Variants in GTSF1 observed in about 807,000 individuals in gnomAD.
GTSF1 encodes the protein gametocyte-specific factor 1.
GTSF1 carries 11 observed loss-of-function variants against 28.9 expected under a neutral mutation model. That is an observed-to-expected ratio of 0.38 (90% confidence interval 0.24 to 0.63). The LOEUF is 0.63. Ranked by LOEUF, GTSF1 falls within the 30% of genes least tolerant of loss-of-function variation. The pLI, the probability that GTSF1 is intolerant of heterozygous loss-of-function variation, is 0.56. For missense variants in GTSF1, 146 were observed against 201.0 expected (o/e 0.73, Z 1.66); for synonymous variants, 69 against 65.6 (o/e 1.05, Z -0.25).
Position 54,455,987 on chromosome 12 carries a change from T to A in GTSF1, c.*187A>T, listed in dbSNP as rs1181210225. ...TGTATCAAAGGTTTATTTGGAAGCT[T>A]CTGAGTATGAGGGTTCTTGCATTAA... is the stretch of plus-strand genomic sequence containing the variant. On this transcript the variant is annotated 3_prime_UTR_variant, in exon 9 of 9. Coordinates refer to ENST00000305879, the MANE Select transcript of GTSF1 (RefSeq NM_144594.3). 1.3e-5 allele frequency: 2 copies of A among 152,574 alleles called. No individual in the cohort carries two copies. Among genetic ancestry groups the A allele is most frequent in the Admixed American group, 1.3e-4 (2 of 15,268 alleles). The allele number at this position is 152,574 out of a possible 1,614,324, so 9.5% of individuals were successfully genotyped here. A position where few individuals can be genotyped will look rare whatever the true frequency, so the allele number is the denominator to read the frequency against.
In GTSF1 at chr12:54,470,675, T is replaced by C. The variant is rs758720592; in HGVS notation, c.16+558A>G. On this transcript the variant is annotated intron_variant, in intron 2 of 8. Coordinates refer to ENST00000305879, the MANE Select transcript of GTSF1 (RefSeq NM_144594.3). ...CATGTAGGGTACTAGGTATAAACAA[T>C]ATAGAAGACTCTGGTTCTGACTCTG... 3.3e-5 allele frequency among the ~76,000 whole-genome samples: 5 copies of C among 152,184 alleles called. No homozygotes were observed. The South Asian group carries it at 1.0e-3, about 31-fold the overall frequency.
Position 54,460,489 on chromosome 12 carries a change from T to C in GTSF1, c.393-18A>G, listed in dbSNP as rs907849222. The C allele has an allele frequency of 2.5e-6, 4 of 1,585,646 alleles. No individual in the cohort carries two copies. Among genetic ancestry groups the C allele is most frequent in the Non-Finnish European group, 2.6e-6 (3 of 1,154,868 alleles). On this transcript the variant is annotated intron_variant, in intron 6 of 8. Coordinates refer to ENST00000305879, the MANE Select transcript of GTSF1 (RefSeq NM_144594.3). Reference sequence around the variant, plus strand: ...TCGCAGGGCTGCAAAAAGATGAATTTGGCTATGTCGGCAGATCAGTATCAT... The same window carrying C: ...TCGCAGGGCTGCAAAAAGATGAATTCGGCTATGTCGGCAGATCAGTATCAT...
At chr12:54,464,855 G>C (rs550291101) in intron 3 of GTSF1, 1 of 378,168 alleles carries the variant, frequency 2.6e-6, no homozygotes, top group Non-Finnish European at 4.9e-6. Flanking sequence ...AGGGTTCTTT[G>C]TCACTAGTTA....
At chr12:54,472,402 C>T (rs998620631) in intron 1 of GTSF1, 1 of 152,164 alleles carries the variant, frequency 6.6e-6, no homozygotes, top group Non-Finnish European at 1.5e-5. Context: ...TAAGGGAAAA[C>T]CTCTCAATGT....
chr12:54,458,364 T>G (rs1441561004), intron 8 of GTSF1, among the ~76,000 whole-genome samples: 1 of 152,202 alleles, frequency 6.6e-6, no homozygotes, highest in African/African-American at 2.4e-5. Context: ...CCCAAAGCTT[T>G]TATTTTTTAA....
Position 54,471,283 on chromosome 12 carries a change from A to T in GTSF1, c.-29-6T>A, listed in dbSNP as rs770753073. ...GAAGAAGCTGAATCCAAGTGCTGGAAAAAACAAAAGTGTGATTCAGGAAAT... is the reference window on the plus strand; with the variant it reads ...GAAGAAGCTGAATCCAAGTGCTGGATAAAACAAAAGTGTGATTCAGGAAAT... On this transcript the variant is annotated splice_polypyrimidine_tract_variant and splice_region_variant and intron_variant, in intron 1 of 8. Coordinates refer to ENST00000305879, the MANE Select transcript of GTSF1 (RefSeq NM_144594.3). 4 of 1,586,106 alleles carry T rather than the reference A, an allele frequency of 2.5e-6. No homozygotes were observed. In the South Asian group the frequency reaches 4.7e-5, roughly 19 times the overall value.
At chr12:54,458,372 T>C (rs919516435) in intron 8 of GTSF1, among the ~76,000 whole-genome samples, 4 of 152,220 alleles carry the variant, frequency 2.6e-5, no homozygotes, top group African/African-American at 7.2e-5. Flanking sequence ...TTTTATTTTT[T>C]AAATTTTATT....
At chr12:54,460,022 G>A (rs1215363145) in intron 7 of GTSF1, among the ~76,000 whole-genome samples, 2 of 122,108 alleles carry the variant, frequency 1.6e-5, no homozygotes, top group African/African-American at 7.0e-5. Flanking sequence ...CACCGCGCCC[G>A]GCCTGATATT....
chr12:54,457,199 C>T lies in GTSF1; in HGVS notation c.*21-1046G>A, dbSNP rs1956346200. Among the ~76,000 whole-genome samples, 3 of 152,188 alleles carry T rather than the reference C, an allele frequency of 2.0e-5. No homozygotes were observed. The South Asian group carries it at 6.2e-4, about 32-fold the overall frequency. On this transcript the variant is annotated intron_variant, in intron 8 of 8. Coordinates refer to ENST00000305879, the MANE Select transcript of GTSF1 (RefSeq NM_144594.3). ...TAATCTAATTATTTTTCTGATCCCTCAGGAGTTACACAGAAAAATAAATTT... is the reference window on the plus strand; with the variant it reads ...TAATCTAATTATTTTTCTGATCCCTTAGGAGTTACACAGAAAAATAAATTT...
rs60465267 is a variant in GTSF1, at chr12:54,471,585, C to T, written c.-29-308G>A. On this transcript the variant is annotated intron_variant, in intron 1 of 8. Coordinates refer to ENST00000305879, the MANE Select transcript of GTSF1 (RefSeq NM_144594.3). ...GGTGATAAGATGTCTACCTTAAGTGCTATTACTTAAGTGCCTGTCACTGTT... is the reference window on the plus strand; with the variant it reads ...GGTGATAAGATGTCTACCTTAAGTGTTATTACTTAAGTGCCTGTCACTGTT... 7.2e-3 allele frequency among the ~76,000 whole-genome samples: 1,089 copies of T among 152,152 alleles called. 15 individuals are homozygous for T. Among genetic ancestry groups the T allele is most frequent in the African/African-American group, 0.025 (1,044 of 41,498 alleles).
intron 1 of GTSF1, among the ~76,000 whole-genome samples, 164 bp downstream of exon 1, chr12:54,473,382 T>C (rs547144049): frequency 6.6e-6 from 1 of 150,658 alleles, no homozygotes; most frequent in Non-Finnish European, 1.5e-5. Context: ...GGCCCTCGAG[T>C]GGGCAATGCA....
chr12:54,459,640 T>C (rs956129156), intron 7 of GTSF1: 24 of 257,534 alleles, frequency 9.3e-5, no homozygotes, highest in African/African-American at 5.1e-4. Context: ...TTATGACTTA[T>C]GACTTTCATT....
intron 3 of GTSF1, among the ~76,000 whole-genome samples, chr12:54,463,621 T>C (rs1400500604): frequency 1.3e-5 from 2 of 152,212 alleles, no homozygotes; most frequent in Non-Finnish European, 2.9e-5. Flanking sequence ...AGTCACATGA[T>C]TCAGGCAGCA....
At position 54,465,066 on chromosome 12, in the gene GTSF1, C is replaced by T; in HGVS notation, c.117+1G>A. ...TGTTAGAGGGCAAATTATGACCCTA[C>T]CTTTCTGCACTTGATAAGATGATAA... On this transcript the variant is annotated splice_donor_variant, in intron 3 of 8. Coordinates refer to ENST00000305879, the MANE Select transcript of GTSF1 (RefSeq NM_144594.3). LOFTEE classifies it high-confidence loss of function. The T allele has an allele frequency of 6.2e-7, 1 of 1,609,620 alleles. No homozygotes were observed. Among genetic ancestry groups the T allele is most frequent in the Non-Finnish European group, 8.5e-7 (1 of 1,176,508 alleles).
rs372213894 is a variant in GTSF1 at position 54,462,628 on chromosome 12, T to C, written c.328+14A>G. 1.5e-5 allele frequency: 24 copies of C among 1,597,858 alleles called. No individual in the cohort carries two copies. Among genetic ancestry groups the C allele is most frequent in the Non-Finnish European group, 2.0e-5 (23 of 1,167,616 alleles). On this transcript the variant is annotated intron_variant, in intron 5 of 8. Transcript: ENST00000305879. Reference sequence around the variant, plus strand: ...TTTAGACATTGTGAAGAAAAAGATGTAGAGGCAGCTCACCTTTATCCCAGT... The same window carrying C: ...TTTAGACATTGTGAAGAAAAAGATGCAGAGGCAGCTCACCTTTATCCCAGT...
intron 6 of GTSF1, among the ~76,000 whole-genome samples, chr12:54,460,810 C>A (rs1270544938): frequency 1.3e-5 from 2 of 152,158 alleles, no homozygotes; most frequent in Non-Finnish European, 2.9e-5. Context: ...CTAAGGCAAC[C>A]AAACCAAAAG....
intron 2 of GTSF1, chr12:54,466,743 TC>T (rs779854356): frequency 6.6e-6 from 1 of 152,090 alleles, no homozygotes; most frequent in Non-Finnish European, 1.5e-5. Context: ...ATGCTTTACT[TC>T]CTGGTCTCCA....
Position 54,472,955 on chromosome 12 carries a change from T to C in GTSF1, c.-30+591A>G, listed in dbSNP as rs578101941. Among the ~76,000 whole-genome samples, 9 of 152,340 alleles carry C rather than the reference T, an allele frequency of 5.9e-5. 1 individual carries two copies. The South Asian group carries it at 1.2e-3, about 21-fold the overall frequency. ...GAAGAACCAAGTATGTTTCTTGATT[T>C]TAAGTGATGAGCACCAGATTCAGCA... is the stretch of plus-strand genomic sequence containing the variant. On this transcript the variant is annotated intron_variant, in intron 1 of 8. Coordinates refer to ENST00000305879, the MANE Select transcript of GTSF1 (RefSeq NM_144594.3).
chr12:54,469,674 C>G (rs539549591), intron 2 of GTSF1, among the ~76,000 whole-genome samples: 1 of 126,508 alleles, frequency 7.9e-6, no homozygotes, highest in Non-Finnish European at 1.6e-5. Flanking sequence ...GGTGACAGAG[C>G]GAGACTCCTT....
Sources: allele counts gnomAD v4.1 joint callset (sites outside exome capture counted in the v4.1 genomes callset), GRCh38; gene constraint gnomAD v4.1.1; transcripts MANE v1.5; gene names NCBI Gene and HGNC (gene_info 2026-07-23, HGNC 2026-07-21).